The following MAP3K6 variants were observed in gnomAD, a reference collection of about 807,000 sequenced individuals.
The protein encoded by MAP3K6 is mitogen-activated protein kinase kinase kinase 6, also known as apoptosis signal-regulating kinase 2.
MAP3K6 carries 105 observed loss-of-function variants against 147.1 expected under a neutral mutation model. That is an observed-to-expected ratio of 0.71 (90% confidence interval 0.61 to 0.84). MAP3K6 has a LOEUF of 0.84. Among genes scored for constraint, MAP3K6 ranks in the 40% least tolerant of loss-of-function variants. The pLI is 0.00. For missense variants in MAP3K6, 1,569 were observed against 1,715.0 expected (o/e 0.91, Z 1.50); for synonymous variants, 695 against 732.4 (o/e 0.95, Z 0.82).
chr1:27,362,291 G>T, intron 8 of MAP3K6, 41 bp from the exon 9 acceptor site: 1 of 1,571,368 alleles, frequency 6.4e-7, no homozygotes, highest in Non-Finnish European at 8.7e-7. Flanking sequence ...TGTGGGTGCA[G>T]GGGTGAGTGA....
chr1:27,357,084 G>A lies in MAP3K6; in HGVS notation c.3289C>T (p.Arg1097Cys). ...TCCAGAACGAACATCCAGTGTGGAC[G>A]GATCTGGCGCTTGCGGAGGATCTGC... ...VKQILRKRQIRPHWMFVLDSL... is the reference protein window; with the variant it reads ...VKQILRKRQICPHWMFVLDSL... Residue 1097 changes from arginine (R) to cysteine (C), a missense_variant, in exon 24 of 29, where the codon CGT (arginine) becomes TGT (cysteine). Transcript: ENST00000357582. 1.9e-6 allele frequency: 3 copies of A among 1,614,062 alleles called. No individual in the cohort carries two copies. The highest frequency in any genetic ancestry group is 2.5e-6 in the Non-Finnish European group (3 of 1,180,014).
chr1:27,358,210 G>A lies in MAP3K6; in HGVS notation c.2886C>T (p.Cys962=). Reference sequence around the variant, plus strand: ...GCTGGCTGGTGCCCCCATAACTGAGGCAGCGCTTCGGGGGGCTGGGTGGGT... The same window carrying A: ...GCTGGCTGGTGCCCCCATAACTGAGACAGCGCTTCGGGGGGCTGGGTGGGT... ...SQHPPSPPKR[C]LSYGGTSQLR... The change falls in exon 21 of 29, where the codon TGC becomes TGT. Residue 962 remains cysteine, a synonymous_variant. Coordinates refer to ENST00000357582, the MANE Select transcript of MAP3K6 (RefSeq NM_004672.5). The surrounding 1 kb of genome is among the most constrained non-coding windows in gnomAD (Gnocchi z 6.2). 1 of 1,594,842 alleles carries A rather than the reference G, an allele frequency of 6.3e-7. No individual in the cohort carries two copies.
Position 27,361,977 on chromosome 1 carries a change from C to T in MAP3K6, c.1416-110G>A, listed in dbSNP as rs1470137431. 1.5e-5 allele frequency: 23 copies of T among 1,516,182 alleles called. No individual in the cohort carries two copies. The Admixed American group carries it at 3.9e-4, about 26-fold the overall frequency. 93.9% of individuals were successfully genotyped at this position (1,516,182 alleles called of 1,614,324 possible). On this transcript the variant is annotated intron_variant, in intron 9 of 28. Transcript: ENST00000357582. Reference sequence around the variant, plus strand: ...ACGTTGGCATGGGGTGCCACGGGCACTGGTCTAAAAGCAGCCAGGTCATTG... The same window carrying T: ...ACGTTGGCATGGGGTGCCACGGGCATTGGTCTAAAAGCAGCCAGGTCATTG...
Position 27,358,984 on chromosome 1 carries a change from T to C in MAP3K6, c.2426-118A>G. ...CCCATACTGAACCTATCATCCAAAA[T>C]ATACCTCAACACCTATCCTGGTCAT... is the stretch of plus-strand genomic sequence containing the variant. On this transcript the variant is annotated intron_variant, in intron 18 of 28. Coordinates refer to ENST00000357582, the MANE Select transcript of MAP3K6 (RefSeq NM_004672.5). This position sits in a 1 kb window ranked among gnomAD's most constrained non-coding sequence, Gnocchi z 6.2. The C allele has an allele frequency of 9.8e-7, 1 of 1,022,662 alleles. No individual in the cohort carries two copies. The highest frequency in any genetic ancestry group is 1.6e-5 in the South Asian group (1 of 62,536). The allele number at this position is 1,022,662 out of a possible 1,614,324, so 63.3% of individuals were successfully genotyped here.
At chr1:27,361,457 G>A in intron 11 of MAP3K6, 62 bp from the exon 12 acceptor site, 2 of 1,610,914 alleles carry the variant, frequency 1.2e-6, no homozygotes, top group Non-Finnish European at 1.7e-6. Flanking sequence ...CTGAGGATGG[G>A]AGAAAGGCTC....
At position 27,360,975 on chromosome 1, in the gene MAP3K6, G is replaced by T. The variant is rs35659744; in HGVS notation, c.1866C>A (p.Asn622Lys). ...CCTCCGCGGGCGCCGTGGAATCCGG[G>T]TTCGTCACCCAGGCCTGGATCAGGC... ...FCGLIQAWVT[N>K]PDSTAPAEEA... Residue 622 changes from asparagine to lysine, a missense_variant, in exon 14 of 29, where the codon AAC (asparagine) becomes AAA (lysine). By Grantham distance (94) the Asn-to-Lys change is moderately conservative. Coordinates refer to ENST00000357582, the MANE Select transcript of MAP3K6 (RefSeq NM_004672.5). This position sits in a 1 kb window ranked among gnomAD's most constrained non-coding sequence, Gnocchi z 4.5. The T allele has an allele frequency of 0.27, 428,560 of 1,605,104 alleles. 61,678 individuals carry two copies. The highest frequency in any genetic ancestry group is 0.3 in the Non-Finnish European group (352,752 of 1,175,376).
At position 27,360,357 on chromosome 1, in the gene MAP3K6, G is replaced by A. The variant is rs1571068613; in HGVS notation, c.2066C>T (p.Pro689Leu). 1.2e-6 allele frequency: 2 copies of A among 1,613,782 alleles called. No homozygotes were observed. The highest frequency in any genetic ancestry group is 2.2e-5 in the East Asian group (1 of 44,870). Reference protein sequence around the residue: ...IPERDSRFSQPLHEEIALHRR... With the variant: ...IPERDSRFSQLLHEEIALHRR... ...GTGAAGAGCGATCTCTTCATGCAGG[G>A]GCTGAGAGAACCTGAGGGGAGGTAA... is the stretch of plus-strand genomic sequence containing the variant. The change falls in exon 16 of 29, where the codon CCC becomes CTC. Residue 689 changes from proline to leucine, a missense_variant. Physicochemically the swap from Pro to Leu is moderately conservative, Grantham distance 98. Coordinates refer to ENST00000357582, the MANE Select transcript of MAP3K6 (RefSeq NM_004672.5). This position sits in a 1 kb window ranked among gnomAD's most constrained non-coding sequence, Gnocchi z 4.5.
chr1:27,363,444 G>A lies in MAP3K6; in HGVS notation c.969C>T (p.Asn323=). The A allele has an allele frequency of 6.2e-7, 1 of 1,611,946 alleles. No homozygotes were observed. The highest frequency in any genetic ancestry group is 8.5e-7 in the Non-Finnish European group (1 of 1,178,826). ...CTAACCCTTGCTCTGCCACTCACCGGTTGAGGGCAAAAGTGTAGTGGAAGC... is the reference window on the plus strand; with the variant it reads ...CTAACCCTTGCTCTGCCACTCACCGATTGAGGGCAAAAGTGTAGTGGAAGC... The part of the protein sequence containing the change: ...NVCFHYTFAL[N]RRNRPGDRAK... Residue 323 remains asparagine, a splice_region_variant and synonymous_variant, in exon 6 of 29, where the codon AAC becomes AAT. Coordinates refer to ENST00000357582, the MANE Select transcript of MAP3K6 (RefSeq NM_004672.5).
rs984673884 is a variant in MAP3K6 at position 27,359,276 on chromosome 1, T to C, written c.2425+141A>G. The C allele has an allele frequency of 9.8e-6, 12 of 1,229,044 alleles. No individual in the cohort carries two copies. The highest frequency in any genetic ancestry group is 1.4e-5 in the Non-Finnish European group (12 of 875,408). 76.1% of individuals were successfully genotyped at this position (1,229,044 alleles called of 1,614,324 possible). On this transcript the variant is annotated intron_variant, in intron 18 of 28. Transcript: ENST00000357582. This position sits in a 1 kb window ranked among gnomAD's most constrained non-coding sequence, Gnocchi z 4.4. ...GTTCCAGATGCCACCACCTCAGCCC[T>C]GGCCCAATCACTCACCCTGGGTTTC... is the stretch of plus-strand genomic sequence containing the variant.
At chr1:27,361,105 C>T in intron 13 of MAP3K6, 52 bp downstream of exon 13, 1 of 1,547,642 alleles carries the variant, frequency 6.5e-7, no homozygotes, top group South Asian at 1.2e-5. Context: ...TCCCCCACTC[C>T]CCCCCGGGCA....
chr1:27,360,440 T>C lies in MAP3K6; in HGVS notation c.2055-72A>G. 1 of 1,409,184 alleles carries C rather than the reference T, an allele frequency of 7.1e-7. No homozygotes were observed. Among genetic ancestry groups the C allele is most frequent in the Non-Finnish European group, 9.5e-7 (1 of 1,057,996 alleles). 87.3% of individuals were successfully genotyped at this position (1,409,184 alleles called of 1,614,324 possible). ...AAGCCCCGCCCATCCCACGCCAGCCTGGCCCCGCCCCAAGGACCCGCCCCG... is the reference window on the plus strand; with the variant it reads ...AAGCCCCGCCCATCCCACGCCAGCCCGGCCCCGCCCCAAGGACCCGCCCCG... On this transcript the variant is annotated intron_variant, in intron 15 of 28. Coordinates refer to ENST00000357582, the MANE Select transcript of MAP3K6 (RefSeq NM_004672.5). This position sits in a 1 kb window ranked among gnomAD's most constrained non-coding sequence, Gnocchi z 4.5.
rs1557561739 is a variant in MAP3K6 at position 27,360,895 on chromosome 1, G to A, written c.1920+26C>T. On this transcript the variant is annotated intron_variant, in intron 14 of 28. Transcript: ENST00000357582. This position sits in a 1 kb window ranked among gnomAD's most constrained non-coding sequence, Gnocchi z 4.5. Reference sequence around the variant, plus strand: ...CAGGGCCCGCGGCCCCTCGCCCTCCGCGAGCTCCCAGTCCCGCGTCCTCAC... The same window carrying A: ...CAGGGCCCGCGGCCCCTCGCCCTCCACGAGCTCCCAGTCCCGCGTCCTCAC... 1 of 1,608,196 alleles carries A rather than the reference G, an allele frequency of 6.2e-7. No homozygotes were observed. Among genetic ancestry groups the A allele is most frequent in the Non-Finnish European group, 8.5e-7 (1 of 1,176,922 alleles).
intron 24 of MAP3K6, 115 bp downstream of exon 24, chr1:27,356,894 C>A (rs1239326284): frequency 3.6e-6 from 5 of 1,406,460 alleles, no homozygotes; most frequent in Middle Eastern, 2.1e-4. Context: ...CACGCCCCCA[C>A]CGGCGCCTGC....
Position 27,363,492 on chromosome 1 carries a change from A to C in MAP3K6, c.921T>G (p.Asp307Glu), listed in dbSNP as rs762593956. The C allele has an allele frequency of 1.2e-6, 2 of 1,613,910 alleles. No homozygotes were observed. Among genetic ancestry groups the C allele is most frequent in the Non-Finnish European group, 1.7e-6 (2 of 1,179,902 alleles). The change falls in exon 6 of 29, where the codon GAT (aspartate) becomes GAG (glutamate). Residue 307 changes from aspartate (D) to glutamate (E), a missense_variant. By Grantham distance (45) the Asp-to-Glu change is conservative. Transcript: ENST00000357582. ...VETLQALPTC[D>E]VAEQHNVCFH... ...AGCAGACATTATGCTGCTCGGCCAC[A>C]TCACAGGTGGGCAAGGCCTGCAGCG...
rs764280914 is a variant in MAP3K6, at chr1:27,361,759, C to G, written c.1524G>C (p.Leu508Phe). Residue 508 changes from leucine (L) to phenylalanine (F), a missense_variant, in exon 10 of 29, where the codon TTG becomes TTC. Physicochemically the swap from Leu to Phe is conservative, Grantham distance 22 (BLOSUM62 0). Coordinates refer to ENST00000357582, the MANE Select transcript of MAP3K6 (RefSeq NM_004672.5). The part of the protein sequence containing the change: ...PRRAHFWLHF[L>F]LQSCQPFKTA... The stretch of plus-strand genomic sequence containing the variant: ...TCTTGAATGGTTGGCAGGACTGTAG[C>G]AAGAAGTGGAGCCAGAAGTGGGCAC... 1 of 1,613,180 alleles carries G rather than the reference C, an allele frequency of 6.2e-7. No homozygotes were observed.
chr1:27,358,948 G>T lies in MAP3K6; in HGVS notation c.2426-82C>A. On this transcript the variant is annotated intron_variant, in intron 18 of 28. Transcript: ENST00000357582. This position sits in a 1 kb window ranked among gnomAD's most constrained non-coding sequence, Gnocchi z 6.2. ...AGGGAGGGGAATGCCGTCATCCTCAGGCCGACTGCACCCATACTGAACCTA... is the reference window on the plus strand; with the variant it reads ...AGGGAGGGGAATGCCGTCATCCTCATGCCGACTGCACCCATACTGAACCTA... The T allele has an allele frequency of 7.2e-7, 1 of 1,390,618 alleles. No individual in the cohort carries two copies. Among genetic ancestry groups the T allele is most frequent in the Non-Finnish European group, 9.8e-7 (1 of 1,022,046 alleles). 86.1% of individuals were successfully genotyped at this position (1,390,618 alleles called of 1,614,324 possible).
At chr1:27,356,155 T>C in intron 26 of MAP3K6, 56 bp from the exon 27 acceptor site, 2 of 1,503,924 alleles carry the variant, frequency 1.3e-6, no homozygotes, top group Non-Finnish European at 9.3e-7. Flanking sequence ...AGAAGCTGCC[T>C]CGAACCCACC....
chr1:27,365,949 T>C (rs1571080815), intron 1 of MAP3K6, among the ~76,000 whole-genome samples: 1 of 59,570 alleles, frequency 1.7e-5, no homozygotes, highest in Admixed American at 2.2e-4. Context: ...CGCCCCAGAG[T>C]TCCAAAGCCC....
At chr1:27,363,834 C>A in intron 5 of MAP3K6, 83 bp downstream of exon 5, 1 of 1,357,680 alleles carries the variant, frequency 7.4e-7, no homozygotes, top group South Asian at 1.5e-5. Flanking sequence ...CACCAGTGAG[C>A]AAGTGGCCCA....
Sources: allele counts gnomAD v4.1 joint callset (sites outside exome capture counted in the v4.1 genomes callset), GRCh38; gene constraint gnomAD v4.1.1; non-coding constraint Gnocchi (gnomAD v3.1); transcripts MANE v1.5; gene names NCBI Gene and HGNC (gene_info 2026-07-23, HGNC 2026-07-21).